The following ICA1 variants were observed in gnomAD, a reference collection of about 807,000 sequenced individuals.
ICA1 encodes the protein 69 kDa islet cell autoantigen.
In ICA1, 40 loss-of-function variants were observed where a neutral mutation model predicts 71.0. The ratio of observed to expected loss-of-function variants is 0.56; its 90% CI spans 0.44 to 0.73. The LOEUF is 0.73. Ranked by LOEUF, ICA1 falls within the 30% of genes least tolerant of loss-of-function variation. The pLI is 0.00. For missense variants in ICA1, 578 were observed against 576.5 expected, an observed-to-expected ratio of 1.00 and a Z score of -0.03; for synonymous variants, 207 against 209.5, an observed-to-expected ratio of 0.99 and a Z score of 0.10.
intron 8 of ICA1, 87 bp downstream of exon 8, chr7:8,157,029 G>T (rs1263216370): frequency 1.9e-6 from 3 of 1,610,006 alleles, no homozygotes; most frequent in Admixed American, 3.4e-5. Flanking sequence ...CTGGAATAAT[G>T]ATGCTTTCTG....
At chr7:8,134,476 A>G (rs1444874577) in intron 12 of ICA1, among the ~76,000 whole-genome samples, 1 of 152,216 alleles carries the variant, frequency 6.6e-6, no homozygotes, top group Admixed American at 6.5e-5. Flanking sequence ...AAGCTGGCAG[A>G]TAAATGTCAC....
chr7:8,140,204 G>A (rs1334794558), intron 10 of ICA1, among the ~76,000 whole-genome samples: 1 of 152,116 alleles, frequency 6.6e-6, no homozygotes, highest in Admixed American at 6.5e-5. Flanking sequence ...GACAACATTA[G>A]TGATTCGTGC....
intron 6 of ICA1, among the ~76,000 whole-genome samples, chr7:8,192,873 C>T (rs1241789518): frequency 6.6e-6 from 1 of 152,170 alleles, no homozygotes; most frequent in Non-Finnish European, 1.5e-5. Context: ...GAATGGGAGC[C>T]TCTTTGGGCT....
chr7:8,127,808 T>C, intron 13 of ICA1, 65 bp downstream of exon 13: 2 of 1,487,068 alleles, frequency 1.3e-6, no homozygotes, highest in Non-Finnish European at 9.0e-7. Context: ...AGAAATATGC[T>C]TTTGGATTGA....
chr7:8,183,278 T>A (rs117808745), intron 6 of ICA1, among the ~76,000 whole-genome samples: 4,515 of 152,244 alleles, frequency 0.03, 104 homozygotes, highest in Middle Eastern at 0.058. Context: ...ATCTTAACAG[T>A]TAAAGATCAT....
intron 1 of ICA1, among the ~76,000 whole-genome samples, chr7:8,251,587 T>C (rs1192420479): frequency 6.6e-6 from 1 of 151,564 alleles, no homozygotes; most frequent in Non-Finnish European, 1.5e-5. Flanking sequence ...GTTCTAAAAA[T>C]AGAGATGACT....
chr7:8,248,090 A>G (rs1470551331), intron 1 of ICA1, among the ~76,000 whole-genome samples: 2 of 152,172 alleles, frequency 1.3e-5, no homozygotes, highest in Non-Finnish European at 2.9e-5. Context: ...CTTCCTCTTG[A>G]ATCATGTTTC....
At chr7:8,148,468 G>A (rs1318720545) in intron 8 of ICA1, among the ~76,000 whole-genome samples, 1 of 152,046 alleles carries the variant, frequency 6.6e-6, no homozygotes, top group Non-Finnish European at 1.5e-5. Flanking sequence ...TATTAGAAGT[G>A]TTTTGGGTCT....
chr7:8,233,518 T>C (rs987235934), intron 2 of ICA1, among the ~76,000 whole-genome samples: 3 of 151,866 alleles, frequency 2.0e-5, no homozygotes, highest in Non-Finnish European at 2.9e-5. Flanking sequence ...CTAGGCCTCC[T>C]GAGTAGCTGG....
chr7:8,237,227 G>C (rs1490045456), intron 1 of ICA1, among the ~76,000 whole-genome samples: 1 of 152,078 alleles, frequency 6.6e-6, no homozygotes, highest in Non-Finnish European at 1.5e-5. Context: ...AGTAAGCTCT[G>C]CCCTCCACTC....
At chr7:8,241,454 GC>G (rs991283393) in intron 1 of ICA1, among the ~76,000 whole-genome samples, 1 of 152,188 alleles carries the variant, frequency 6.6e-6, no homozygotes, top group African/African-American at 2.4e-5. Flanking sequence ...ACCAGCCACT[GC>G]AAAAACATGC....
Position 8,221,397 on chromosome 7 carries a change from G to C in ICA1, c.258C>G (p.Phe86Leu), listed in dbSNP as rs1224710245. The change falls in exon 5 of 14, where the codon TTC (phenylalanine) becomes TTG (leucine). Residue 86 changes from phenylalanine to leucine, a missense_variant and splice_region_variant. Physicochemically the swap from Phe to Leu is conservative, Grantham distance 22 (BLOSUM62 0). Transcript: ENST00000402384. Reference protein sequence around the residue: ...AIVLYQKRICFLSQEENELGK... With the variant: ...AIVLYQKRICLLSQEENELGK... ...CCAGTTCGTTTTCTTCTTGAGACAAGACTGATGAAGAAAAGACCAAAAGGA... is the reference window on the plus strand; with the variant it reads ...CCAGTTCGTTTTCTTCTTGAGACAACACTGATGAAGAAAAGACCAAAAGGA... 1.9e-6 allele frequency: 3 copies of C among 1,613,156 alleles called. No homozygotes were observed. Among genetic ancestry groups the C allele is most frequent in the East Asian group, 2.2e-5 (1 of 44,842 alleles).
chr7:8,157,271 T>G, intron 7 of ICA1, 57 bp from the exon 8 acceptor site: 1 of 1,461,890 alleles, frequency 6.8e-7, no homozygotes, highest in Non-Finnish European at 9.2e-7. Flanking sequence ...CTAGTCCTGG[T>G]CCCCAGGGAA....
intron 6 of ICA1, among the ~76,000 whole-genome samples, chr7:8,196,381 G>C (rs1247266866): frequency 2.0e-5 from 3 of 152,228 alleles, no homozygotes; most frequent in African/African-American, 7.2e-5. Context: ...GTGAAGCACA[G>C]ATGACTGCTC....
chr7:8,134,898 A>G (rs1792850222), intron 12 of ICA1, among the ~76,000 whole-genome samples: 1 of 152,200 alleles, frequency 6.6e-6, no homozygotes. Flanking sequence ...GCACTAAAAA[A>G]AAAAAATTCT....
Position 8,234,795 on chromosome 7 carries a change from A to G in ICA1, c.17+1115T>C, listed in dbSNP as rs966644307. On this transcript the variant is annotated intron_variant, in intron 2 of 13. Transcript: ENST00000402384. The surrounding 1 kb of genome is among the most constrained non-coding windows in gnomAD (Gnocchi z 4.5). ...AAGATAATCTCTCTATAGAATATGC[A>G]CATTAAAAGGTTGGAAGGATACACT... is the stretch of plus-strand genomic sequence containing the variant. 1.3e-5 allele frequency among the ~76,000 whole-genome samples: 2 copies of G among 152,200 alleles called. No individual in the cohort carries two copies. Among genetic ancestry groups the G allele is most frequent in the Admixed American group, 6.5e-5 (1 of 15,286 alleles).
At chr7:8,186,856 ATGT>A (rs1784074016) in intron 6 of ICA1, among the ~76,000 whole-genome samples, 2 of 152,198 alleles carry the variant, frequency 1.3e-5, no homozygotes, top group East Asian at 1.9e-4. Flanking sequence ...TATTCCAGTA[ATGT>A]TGTCTCCATT....
In ICA1 at chr7:8,232,740, G is replaced by A; in HGVS notation, c.33C>T (p.Asp11=). 6.3e-7 allele frequency: 1 copy of A among 1,596,778 alleles called. No homozygotes were observed. The highest frequency in any genetic ancestry group is 8.5e-7 in the Non-Finnish European group (1 of 1,172,390). The change falls in exon 3 of 14, where the codon GAC becomes GAT. Residue 11 remains aspartate, a synonymous_variant. Transcript: ENST00000402384. Reference sequence around the variant, plus strand: ...TATCTTGAGCATATCGATCCTGTAAGTCCCAGGGATAACTGCTAAAAACAT... The same window carrying A: ...TATCTTGAGCATATCGATCCTGTAAATCCCAGGGATAACTGCTAAAAACAT... MSGHKCSYPW[D]LQDRYAQDKS...
intron 7 of ICA1, chr7:8,157,530 C>A (rs1802067086): frequency 6.6e-6 from 2 of 302,758 alleles, no homozygotes; most frequent in South Asian, 8.2e-5. Context: ...TGTTGCAATC[C>A]CTCAGCTGAT....
Sources: allele counts gnomAD v4.1 joint callset (sites outside exome capture counted in the v4.1 genomes callset), GRCh38; gene constraint gnomAD v4.1.1; non-coding constraint Gnocchi (gnomAD v3.1); transcripts MANE v1.5; gene names NCBI Gene and HGNC (gene_info 2026-07-23, HGNC 2026-07-21).